ORC4: variants seen among roughly 807,000 people sequenced by gnomAD.
ORC4 encodes the protein origin recognition complex subunit 4.
A neutral mutation model predicts 63.9 loss-of-function variants in ORC4; 55 were observed. The ratio of observed to expected loss-of-function variants is 0.86; its 90% CI spans 0.69 to 1.08. The LOEUF (loss-of-function observed/expected upper bound fraction) is 1.08. ORC4 is among the 50% of genes least tolerant of loss of function. ORC4 has a pLI of 0.00. For missense variants in ORC4, 511 were observed against 504.4 expected (o/e 1.01, Z -0.13); for synonymous variants, 150 against 168.5 (o/e 0.89, Z 0.85).
At position 147,931,712 on chromosome 2, in the gene ORC4, A is replaced by G. The variant is rs1687748862; in HGVS notation, c.*3798T>C. 6.6e-6 allele frequency: 1 copy of G among 152,136 alleles called. No individual in the cohort carries two copies. The highest frequency in any genetic ancestry group is 2.4e-5 in the African/African-American group (1 of 41,422). 9.4% of individuals were successfully genotyped at this position (152,136 alleles called of 1,614,324 possible). On this transcript the variant is annotated 3_prime_UTR_variant, in exon 14 of 14. Transcript: ENST00000392857. ...CAGAGCCAAAGACAAAAAACACATG[A>G]TTATCTCAATAGATGCAGAAAAAGC...
intron 1 of ORC4, among the ~76,000 whole-genome samples, chr2:148,016,601 C>T (rs1693306612): frequency 1.3e-5 from 2 of 152,188 alleles, no homozygotes; most frequent in South Asian, 4.1e-4. Flanking sequence ...AGCATCTCTA[C>T]AACTTTTTTC....
At chr2:147,963,544 T>C (rs924807450) in intron 4 of ORC4, among the ~76,000 whole-genome samples, 4 of 152,162 alleles carry the variant, frequency 2.6e-5, no homozygotes, top group African/African-American at 4.8e-5. Flanking sequence ...TACACCTCTG[T>C]TGGGATCAAG....
intron 1 of ORC4, among the ~76,000 whole-genome samples, chr2:147,994,211 A>T (rs1174928498): frequency 6.6e-6 from 1 of 152,260 alleles, no homozygotes; most frequent in Non-Finnish European, 1.5e-5. Context: ...TCAAGAAATC[A>T]AAGAAAGTCT....
At chr2:147,986,776 G>GAC (rs1048997022) in intron 1 of ORC4, among the ~76,000 whole-genome samples, 7 of 101,304 alleles carry the variant, frequency 6.9e-5, no homozygotes, top group African/African-American at 2.8e-4. Context: ...ATTTTATACA[G>GAC]ACACACACAC....
intron 1 of ORC4, among the ~76,000 whole-genome samples, chr2:147,983,255 C>T (rs1462353670): frequency 6.6e-6 from 1 of 152,186 alleles, no homozygotes; most frequent in African/African-American, 2.4e-5. Flanking sequence ...CACACAAAAA[C>T]CTGTAACACG....
At chr2:147,940,814 G>A (rs899102060) in intron 10 of ORC4, among the ~76,000 whole-genome samples, 1 of 152,036 alleles carries the variant, frequency 6.6e-6, no homozygotes, top group Admixed American at 6.6e-5. Context: ...GCTAAGCTAT[G>A]AGGACACAAA....
chr2:147,936,636 C>G (rs1307148162), intron 13 of ORC4: 1 of 152,092 alleles, frequency 6.6e-6, no homozygotes, highest in Non-Finnish European at 1.5e-5. Context: ...GTGTTAAGAG[C>G]TGAATAGAAC....
intron 1 of ORC4, among the ~76,000 whole-genome samples, chr2:147,985,701 T>A (rs149101314): frequency 2.6e-5 from 4 of 152,196 alleles, no homozygotes; most frequent in Non-Finnish European, 5.9e-5. Flanking sequence ...TAGACTAACA[T>A]AATCCTAAAC....
intron 6 of ORC4, 32 bp from the exon 7 acceptor site, chr2:147,955,427 A>C (rs769767438): frequency 6.6e-7 from 1 of 1,509,366 alleles, no homozygotes; most frequent in Non-Finnish European, 9.2e-7. Context: ...AATGATTAAA[A>C]GTTTAGTGAA....
chr2:148,007,065 T>A (rs1663590028), intron 1 of ORC4, among the ~76,000 whole-genome samples: 1 of 152,226 alleles, frequency 6.6e-6, no homozygotes, highest in South Asian at 2.1e-4. Context: ...GTGCTTTGGA[T>A]GCTCCTTAAT....
intron 4 of ORC4, among the ~76,000 whole-genome samples, chr2:147,968,630 A>T (rs1396272968): frequency 1.3e-5 from 2 of 152,052 alleles, no homozygotes; most frequent in African/African-American, 2.4e-5. Context: ...GAAAAACAAA[A>T]AATAATAAAT....
intron 1 of ORC4, among the ~76,000 whole-genome samples, chr2:147,980,545 A>C (rs1690822461): frequency 6.6e-6 from 1 of 152,208 alleles, no homozygotes. Flanking sequence ...CCCAATTTAA[A>C]AAATGGTCAA....
intron 9 of ORC4, among the ~76,000 whole-genome samples, chr2:147,947,196 A>G (rs1267364688): frequency 6.6e-6 from 1 of 152,040 alleles, no homozygotes; most frequent in Non-Finnish European, 1.5e-5. Context: ...AGATCTAATT[A>G]TCCTTACCGG....
rs1483134770 is a variant in ORC4 at position 147,934,043 on chromosome 2, A to G, written c.*1467T>C. On this transcript the variant is annotated 3_prime_UTR_variant, in exon 14 of 14. Coordinates refer to ENST00000392857, the MANE Select transcript of ORC4 (RefSeq NM_181741.4). ...TTCCTTAGAGCATACTTTAAAAACT[A>G]TTTGGTAAGGAATCCACTGTTGAAC... The G allele has an allele frequency of 6.6e-6, 1 of 152,182 alleles. No homozygotes were observed. Among genetic ancestry groups the G allele is most frequent in the Non-Finnish European group, 1.5e-5 (1 of 68,030 alleles). 9.4% of individuals were successfully genotyped at this position (152,182 alleles called of 1,614,324 possible).
At chr2:147,969,248 T>C (rs1690070435) in intron 4 of ORC4, among the ~76,000 whole-genome samples, 1 of 151,992 alleles carries the variant, frequency 6.6e-6, no homozygotes, top group East Asian at 1.9e-4. Context: ...ATGACTATAA[T>C]TAACAATAAT....
intron 1 of ORC4, among the ~76,000 whole-genome samples, chr2:147,997,715 G>C (rs1692055169): frequency 6.6e-6 from 1 of 151,974 alleles, no homozygotes; most frequent in African/African-American, 2.4e-5. Flanking sequence ...AATTATTTCT[G>C]GGTGCAAAGG....
At chr2:147,943,216 C>T (rs893799954) in intron 10 of ORC4, among the ~76,000 whole-genome samples, 5 of 152,120 alleles carry the variant, frequency 3.3e-5, no homozygotes, top group African/African-American at 1.2e-4. Context: ...CAGGTTTAAT[C>T]AATTCCCATA....
chr2:148,011,472 C>T (rs1692964807), intron 1 of ORC4, among the ~76,000 whole-genome samples: 2 of 152,142 alleles, frequency 1.3e-5, no homozygotes, highest in African/African-American at 2.4e-5. Flanking sequence ...AGGATCATCC[C>T]TCAACATGAT....
intron 2 of ORC4, among the ~76,000 whole-genome samples, chr2:147,973,797 T>A (rs1287213226): frequency 6.6e-6 from 1 of 152,192 alleles, no homozygotes; most frequent in African/African-American, 2.4e-5. Flanking sequence ...TATTAGCAAC[T>A]TAAGGGCCAT....
Sources: allele counts gnomAD v4.1 joint callset (sites outside exome capture counted in the v4.1 genomes callset), GRCh38; gene constraint gnomAD v4.1.1; transcripts MANE v1.5; gene names NCBI Gene and HGNC (gene_info 2026-07-23, HGNC 2026-07-21).